The following SLC10A2 variants were observed in gnomAD, a reference collection of about 807,000 sequenced individuals.
The protein encoded by SLC10A2 is solute carrier family 10 member 2.
A neutral mutation model predicts 27.1 loss-of-function variants in SLC10A2; 34 were observed. The observed-to-expected ratio is 1.26, with a 90% CI of 0.96 to 1.67. The LOEUF is 1.67. SLC10A2 is among the 40% of genes most tolerant of loss of function. SLC10A2 has a pLI of 0.00. For missense variants in SLC10A2, 530 were observed against 444.4 expected (o/e 1.19, Z -1.73); for synonymous variants, 205 against 174.0 (o/e 1.18, Z -1.40).
At position 103,052,685 on chromosome 13, in the gene SLC10A2, C is replaced by A. The variant is rs376450060; in HGVS notation, c.520G>T (p.Val174Phe). 3 of 1,606,774 alleles carry A rather than the reference C, an allele frequency of 1.9e-6. No homozygotes were observed. The highest frequency in any genetic ancestry group is 4.5e-5 in the East Asian group (2 of 44,850). The change falls in exon 3 of 6, where the codon GTT becomes TTT. Residue 174 changes from valine to phenylalanine, a missense_variant. Physicochemically the swap from Val to Phe is conservative, Grantham distance 50 (BLOSUM62 -1). Transcript: ENST00000245312. ...NIGTSLVSLV[V>F]PVSIGMFVNH... ...ACAAACATTCCAATGGAAACAGGAA[C>A]AACGAGAGAAACCAGAGATGTACCT...
At position 103,058,385 on chromosome 13, in the gene SLC10A2, G is replaced by T. The variant is rs1187495200; in HGVS notation, c.378-3C>A. ...TGGAGCATGTGGTCATGCTGACGCTGAAAGGCAATGGGCAGATTGATACAT... is the reference window on the plus strand; with the variant it reads ...TGGAGCATGTGGTCATGCTGACGCTTAAAGGCAATGGGCAGATTGATACAT... On this transcript the variant is annotated splice_region_variant and splice_polypyrimidine_tract_variant and intron_variant, in intron 1 of 5. Transcript: ENST00000245312. 8.3e-6 allele frequency: 13 copies of T among 1,570,186 alleles called. No individual in the cohort carries two copies. The highest frequency in any genetic ancestry group is 1.7e-5 in the Admixed American group (1 of 59,920).
At chr13:103,054,829 C>T (rs1298513038) in intron 2 of SLC10A2, among the ~76,000 whole-genome samples, 4 of 152,072 alleles carry the variant, frequency 2.6e-5, no homozygotes, top group Non-Finnish European at 5.9e-5. Context: ...CTCCAGTGGG[C>T]TGGTGATCTT....
At chr13:103,047,739 C>T (rs1243625319) in intron 5 of SLC10A2, among the ~76,000 whole-genome samples, 1 of 152,016 alleles carries the variant, frequency 6.6e-6, no homozygotes, top group Non-Finnish European at 1.5e-5. Flanking sequence ...CTCCCTTTTC[C>T]TCATTCCTTC....
intron 1 of SLC10A2, among the ~76,000 whole-genome samples, chr13:103,062,047 A>G (rs915924537): frequency 1.2e-4 from 18 of 152,260 alleles, no homozygotes; most frequent in Non-Finnish European, 2.5e-4. Flanking sequence ...AGCTCTATTA[A>G]CTGCCAGGGA....
At chr13:103,058,909 C>T (rs752763174) in intron 1 of SLC10A2, among the ~76,000 whole-genome samples, 4 of 152,090 alleles carry the variant, frequency 2.6e-5, no homozygotes, top group Non-Finnish European at 4.4e-5. Flanking sequence ...AATAGTGCTG[C>T]GGTGGACATA....
At position 103,065,936 on chromosome 13, in the gene SLC10A2, CATCCTAT is replaced by C; in HGVS notation, c.307_313del (p.Ile103AlafsTer21). 1 of 1,614,174 alleles carries C rather than the reference CATCCTAT, an allele frequency of 6.2e-7. No individual in the cohort carries two copies. The highest frequency in any genetic ancestry group is 8.5e-7 in the Non-Finnish European group (1 of 1,180,016). ...ATTGGAGGCAGTTCCTCCAGGGCAG[CATCCTAT>C]AATGAGCACCACTACGGCCTGGAGC... On this transcript the variant is annotated frameshift_variant, in exon 1 of 6. Coordinates refer to ENST00000245312, the MANE Select transcript of SLC10A2 (RefSeq NM_000452.3). LOFTEE classifies it high-confidence loss of function.
At position 103,058,394 on chromosome 13, in the gene SLC10A2, T is replaced by C. The variant is rs202051067; in HGVS notation, c.378-12A>G. ...TGGTCATGCTGACGCTGAAAGGCAA[T>C]GGGCAGATTGATACATCCACCTGTG... On this transcript the variant is annotated splice_polypyrimidine_tract_variant and intron_variant, in intron 1 of 5. Coordinates refer to ENST00000245312, the MANE Select transcript of SLC10A2 (RefSeq NM_000452.3). 2.2e-4 allele frequency: 325 copies of C among 1,488,048 alleles called. 1 individual carries two copies. The East Asian group carries it at 7.1e-3, about 33-fold the overall frequency. 92.2% of individuals were successfully genotyped at this position (1,488,048 alleles called of 1,614,324 possible).
intron 2 of SLC10A2, among the ~76,000 whole-genome samples, chr13:103,054,760 T>C (rs377679889): frequency 1.3e-5 from 2 of 152,128 alleles, no homozygotes; most frequent in South Asian, 4.1e-4. Context: ...GGACTCTGTC[T>C]TTCTTTACAC....
intron 1 of SLC10A2, among the ~76,000 whole-genome samples, chr13:103,059,994 T>G (rs898120682): frequency 6.6e-6 from 1 of 152,208 alleles, no homozygotes; most frequent in African/African-American, 2.4e-5. Flanking sequence ...TAGTGTCTGG[T>G]ATCATCCCTG....
At position 103,044,760 on chromosome 13, in the gene SLC10A2, T is replaced by C. The variant is rs2138907433; in HGVS notation, c.*1373A>G. 1 of 152,180 alleles carries C rather than the reference T, an allele frequency of 6.6e-6. No individual in the cohort carries two copies. The highest frequency in any genetic ancestry group is 1.5e-5 in the Non-Finnish European group (1 of 68,000). 9.4% of individuals were successfully genotyped at this position (152,180 alleles called of 1,614,324 possible). A position where few individuals can be genotyped will look rare whatever the true frequency, so the allele number is the denominator to read the frequency against. On this transcript the variant is annotated 3_prime_UTR_variant, in exon 6 of 6. Transcript: ENST00000245312. The stretch of plus-strand genomic sequence containing the variant: ...GGCAGTGAAAATACCCAATGCAAAA[T>C]GGAACAAAACCACTAAGGACCGAGT...
chr13:103,058,120 G>T, intron 2 of SLC10A2, 144 bp downstream of exon 2: 4 of 745,540 alleles, frequency 5.4e-6, no homozygotes, highest in South Asian at 2.7e-5. Flanking sequence ...CTCTCCAAAC[G>T]CAGGGGTGAC....
At chr13:103,058,428 G>A (rs199598690) in intron 1 of SLC10A2, 46 bp from the exon 2 acceptor site, 41 of 1,099,038 alleles carry the variant, frequency 3.7e-5, no homozygotes, top group Non-Finnish European at 5.6e-5. Flanking sequence ...TGGTGTTCTA[G>A]GGAAGATGCT....
At chr13:103,055,601 G>A (rs913270908) in intron 2 of SLC10A2, among the ~76,000 whole-genome samples, 2 of 152,184 alleles carry the variant, frequency 1.3e-5, no homozygotes, top group Admixed American at 1.3e-4. Flanking sequence ...TGAGCTTGGA[G>A]GCCTGGGCAA....
intron 3 of SLC10A2, 101 bp from the exon 4 acceptor site, chr13:103,051,533 G>A: frequency 3.1e-6 from 4 of 1,284,032 alleles, no homozygotes; most frequent in South Asian, 2.5e-5. Context: ...TGTCCCTGGG[G>A]GAAGTGATGA....
rs564482073 is a variant in SLC10A2 at position 103,050,296 on chromosome 13, G to T, written c.762-850C>A. On this transcript the variant is annotated intron_variant, in intron 4 of 5. Transcript: ENST00000245312. Reference sequence around the variant, plus strand: ...GGGCAGTGTGTGGTCGGATTGGAAGGCAAGCCCAGGTCTGCCTGACTCAAA... The same window carrying T: ...GGGCAGTGTGTGGTCGGATTGGAAGTCAAGCCCAGGTCTGCCTGACTCAAA... Among the ~76,000 whole-genome samples the T allele has an allele frequency of 3.3e-5, 5 of 152,294 alleles. No homozygotes were observed. The South Asian group carries it at 1.0e-3, about 32-fold the overall frequency.
At chr13:103,050,462 A>G (rs1482370480) in intron 4 of SLC10A2, among the ~76,000 whole-genome samples, 2 of 152,230 alleles carry the variant, frequency 1.3e-5, no homozygotes, top group Non-Finnish European at 2.9e-5. Flanking sequence ...TACCAAATCC[A>G]GAAGTGTGAA....
intron 2 of SLC10A2, among the ~76,000 whole-genome samples, chr13:103,056,688 G>A (rs1185446644): frequency 6.6e-6 from 1 of 152,048 alleles, no homozygotes; most frequent in Non-Finnish European, 1.5e-5. Context: ...CAGCCAGAGA[G>A]TCAAGCAGCA....
Position 103,046,037 on chromosome 13 carries a change from C to T in SLC10A2, c.*96G>A. On this transcript the variant is annotated 3_prime_UTR_variant, in exon 6 of 6. Coordinates refer to ENST00000245312, the MANE Select transcript of SLC10A2 (RefSeq NM_000452.3). ...AATGAAATTCCAATTTTCACTTTAACTCTTTTCTGCCAACTGTCCTACCAA... is the reference window on the plus strand; with the variant it reads ...AATGAAATTCCAATTTTCACTTTAATTCTTTTCTGCCAACTGTCCTACCAA... 3.4e-6 allele frequency: 5 copies of T among 1,469,870 alleles called. No homozygotes were observed. In the South Asian group the frequency reaches 5.8e-5, roughly 17 times the overall value. 91.1% of individuals were successfully genotyped at this position (1,469,870 alleles called of 1,614,324 possible).
rs143884320 is a variant in SLC10A2 at position 103,065,968 on chromosome 13, C to T, written c.282G>A (p.Pro94=). 3.8e-5 allele frequency: 61 copies of T among 1,614,016 alleles called. 1 individual carries two copies. In the Middle Eastern group the frequency reaches 8.3e-4, roughly 22 times the overall value. Residue 94 remains proline (P), a synonymous_variant, in exon 1 of 6, where the codon CCG becomes CCA. Transcript: ENST00000245312. ...TAATGAGCACCACTACGGCCTGGAG[C>T]GGGAGGATGTCAAAGGCCACCGACA... is the stretch of plus-strand genomic sequence containing the variant. ...FILSVAFDIL[P]LQAVVVLIIG...
Sources: gnomAD v4.1 joint callset for allele counts (sites outside exome capture counted in the v4.1 genomes callset) on GRCh38, gnomAD v4.1.1 for gene constraint, MANE v1.5 for transcripts, NCBI Gene and HGNC (gene_info 2026-07-23, HGNC 2026-07-21) for gene names.